CHMP6: variants seen among roughly 807,000 people sequenced by gnomAD.
The protein encoded by CHMP6 is charged multivesicular body protein 6.
Under a neutral mutation model 32.8 loss-of-function variants are expected in CHMP6, and 10 were observed. The ratio of observed to expected loss-of-function variants is 0.30; its 90% CI spans 0.19 to 0.52. The LOEUF is 0.52. Ranked by LOEUF, CHMP6 falls within the 20% of genes least tolerant of loss-of-function variation. The pLI is 0.97. For missense variants in CHMP6, 269 were observed against 263.8 expected, an observed-to-expected ratio of 1.02 and a Z score of -0.14; for synonymous variants, 123 against 105.8, an observed-to-expected ratio of 1.16 and a Z score of -1.00.
At chr17:80,995,787 AG>A in intron 4 of CHMP6, 29 bp downstream of exon 4, 1 of 1,603,730 alleles carries the variant, frequency 6.2e-7, no homozygotes, top group African/African-American at 1.3e-5. Context: ...AGGGGCATGG[AG>A]GTGTGGGGAG....
intron 6 of CHMP6, among the ~76,000 whole-genome samples, chr17:80,997,888 C>T (rs2069652950): frequency 6.6e-6 from 1 of 152,358 alleles, no homozygotes; most frequent in Admixed American, 6.5e-5. Flanking sequence ...CTTGCTTGTC[C>T]AGTTACTTTC....
At chr17:80,996,658 C>T (rs1401803858) in intron 4 of CHMP6, among the ~76,000 whole-genome samples, 1 of 152,352 alleles carries the variant, frequency 6.6e-6, no homozygotes, top group Admixed American at 6.5e-5. Flanking sequence ...TGAGAGCTGA[C>T]TCAGGGTGAG....
chr17:80,993,606 C>A (rs7502691), intron 1 of CHMP6, among the ~76,000 whole-genome samples: 5,509 of 152,328 alleles, frequency 0.036, 179 homozygotes, highest in East Asian at 0.11. Flanking sequence ...AGGCCATAAT[C>A]CCTGTGCCTG....
chr17:80,992,110 G>C, intron 1 of CHMP6, 129 bp downstream of exon 1: 1 of 568,748 alleles, frequency 1.8e-6, no homozygotes, highest in South Asian at 8.3e-5. Flanking sequence ...GGCGCAGCGC[G>C]CAGCCGGGCC....
At position 80,997,026 on chromosome 17, in the gene CHMP6, T is replaced by C. The variant is rs2069643560; in HGVS notation, c.368T>C (p.Val123Ala). 1.9e-6 allele frequency: 3 copies of C among 1,613,328 alleles called. No homozygotes were observed. Among genetic ancestry groups the C allele is most frequent in the Non-Finnish European group, 2.5e-6 (3 of 1,179,810 alleles). ...KMHQVMSIEE[V>A]ERILDETQEA... is the part of the protein sequence containing the mutation. ...CCACAGGTGATGTCCATTGAAGAGG[T>C]GGAGAGGATCCTGGACGAGACGCAG... Residue 123 changes from valine to alanine, a missense_variant, in exon 5 of 8, where the codon GTG becomes GCG. Val to Ala is a moderately conservative substitution (Grantham distance 64, BLOSUM62 0). Coordinates refer to ENST00000325167, the MANE Select transcript of CHMP6 (RefSeq NM_024591.5).
At chr17:80,997,986 T>C (rs1470978488) in intron 6 of CHMP6, among the ~76,000 whole-genome samples, 3 of 152,252 alleles carry the variant, frequency 2.0e-5, no homozygotes, top group Non-Finnish European at 2.9e-5. Flanking sequence ...CCAAGCTCGC[T>C]GGGACAGCGT....
At chr17:80,995,628 C>G (rs996231682) in intron 3 of CHMP6, 44 bp from the exon 4 acceptor site, 1 of 1,577,396 alleles carries the variant, frequency 6.3e-7, no homozygotes, top group Non-Finnish European at 8.7e-7. Flanking sequence ...GAGGAGGGCA[C>G]CCCGGATCCT....
At chr17:80,995,432 T>C (rs777976112) in intron 3 of CHMP6, among the ~76,000 whole-genome samples, 7 of 152,126 alleles carry the variant, frequency 4.6e-5, no homozygotes, top group Non-Finnish European at 8.8e-5. Flanking sequence ...GTTCTGCTCT[T>C]TGGTAACCAG....
At chr17:80,998,759 A>G in intron 7 of CHMP6, 7 of 1,170,688 alleles carry the variant, frequency 6.0e-6, no homozygotes, top group African/African-American at 3.1e-5. Context: ...CCGTGGCACC[A>G]TTCAGCACAG....
intron 3 of CHMP6, 67 bp from the exon 4 acceptor site, chr17:80,995,605 G>T: frequency 2.1e-6 from 3 of 1,426,094 alleles, no homozygotes; most frequent in Non-Finnish European, 2.9e-6. Context: ...CCTGAACCCT[G>T]CCCCAGGGCC....
chr17:80,992,245 T>A (rs2069598988), intron 1 of CHMP6, among the ~76,000 whole-genome samples: 1 of 151,218 alleles, frequency 6.6e-6, no homozygotes, highest in Non-Finnish European at 1.5e-5. Context: ...CCCGCCGGGG[T>A]GGGCGCGGCT....
At chr17:80,998,089 G>GT (rs1481512725) in intron 6 of CHMP6, among the ~76,000 whole-genome samples, 4 of 152,312 alleles carry the variant, frequency 2.6e-5, no homozygotes, top group African/African-American at 9.6e-5. Context: ...GGGTCTCTGG[G>GT]GCACACCCAG....
intron 7 of CHMP6, among the ~76,000 whole-genome samples, 174 bp from the exon 8 acceptor site, chr17:80,998,924 T>A (rs1333355113): frequency 6.6e-6 from 1 of 152,224 alleles, no homozygotes; most frequent in Non-Finnish European, 1.5e-5. Context: ...TGGCCCTGTC[T>A]GTCAGCCCCA....
intron 4 of CHMP6, 26 bp downstream of exon 4, chr17:80,995,784 T>C (rs745923945): frequency 2.5e-6 from 4 of 1,606,508 alleles, no homozygotes; most frequent in Non-Finnish European, 2.6e-6. Flanking sequence ...GCCAGGGGCA[T>C]GGAGGTGTGG....
In CHMP6 at chr17:80,994,706, G is replaced by A. The variant is rs1314074358; in HGVS notation, c.173+16G>A. 6.5e-7 allele frequency: 1 copy of A among 1,537,522 alleles called. No homozygotes were observed. The highest frequency in any genetic ancestry group is 2.5e-5 in the East Asian group (1 of 40,570). On this transcript the variant is annotated intron_variant, in intron 2 of 7. Transcript: ENST00000325167. ...GCAGGAAGGAGTGAGTGGGGCCCGG[G>A]CAGCGTGGGCACCCTGTCGGCTGGG...
rs550071017 is a variant in CHMP6 at position 80,999,350 on chromosome 17, C to T, written c.*197C>T. 2.3e-5 allele frequency: 13 copies of T among 573,050 alleles called. No individual in the cohort carries two copies. Among genetic ancestry groups the T allele is most frequent in the Non-Finnish European group, 3.4e-5 (11 of 320,922 alleles). 35.5% of individuals were successfully genotyped at this position (573,050 alleles called of 1,614,324 possible). On this transcript the variant is annotated 3_prime_UTR_variant, in exon 8 of 8. Transcript: ENST00000325167. ...GACCTTGAGCCTGAACGCACTCAGG[C>T]GCCACTGGCCTGCTCTCAGTCCGGA...
Position 80,997,016 on chromosome 17 carries a change from A to T in CHMP6, c.358A>T (p.Ile120Phe), listed in dbSNP as rs761287804. Residue 120 changes from isoleucine (I) to phenylalanine (F), a missense_variant, in exon 5 of 8, where the codon ATT (isoleucine) becomes TTT (phenylalanine). Transcript: ENST00000325167. ...CLNKMHQVMSIEEVERILDET... is the reference protein window; with the variant it reads ...CLNKMHQVMSFEEVERILDET... Reference sequence around the variant, plus strand: ...TCACCCTCGTCCACAGGTGATGTCCATTGAAGAGGTGGAGAGGATCCTGGA... The same window carrying T: ...TCACCCTCGTCCACAGGTGATGTCCTTTGAAGAGGTGGAGAGGATCCTGGA... The T allele has an allele frequency of 5.0e-6, 8 of 1,613,638 alleles. No individual in the cohort carries two copies. In the African/African-American group the frequency reaches 1.1e-4, roughly 22 times the overall value.
chr17:80,991,849 A>G lies in CHMP6; in HGVS notation c.-70A>G. ...GCGGCCGCCGTAGCGGGAGGACCCG[A>G]GCTACGGTGGCCGCGGGGCGGCGGT... is the stretch of plus-strand genomic sequence containing the variant. On this transcript the variant is annotated 5_prime_UTR_variant, in exon 1 of 8. Transcript: ENST00000325167. 4 of 1,243,226 alleles carry G rather than the reference A, an allele frequency of 3.2e-6. No individual in the cohort carries two copies. Among genetic ancestry groups the G allele is most frequent in the Non-Finnish European group, 4.2e-6 (4 of 963,820 alleles). The allele number at this position is 1,243,226 out of a possible 1,614,324, so 77.0% of individuals were successfully genotyped here.
At chr17:80,992,840 G>C (rs998751615) in intron 1 of CHMP6, among the ~76,000 whole-genome samples, 1 of 152,198 alleles carries the variant, frequency 6.6e-6, no homozygotes, top group Non-Finnish European at 1.5e-5. Flanking sequence ...TAGCTTTTTC[G>C]GATGCTTTCT....
Sources: allele counts gnomAD v4.1 joint callset (sites outside exome capture counted in the v4.1 genomes callset), GRCh38; gene constraint gnomAD v4.1.1; transcripts MANE v1.5; gene names NCBI Gene and HGNC (gene_info 2026-07-23, HGNC 2026-07-21).